TBCK: variants seen among roughly 807,000 people sequenced by gnomAD.
TBCK encodes TBC1 domain containing kinase, also known as TBC domain-containing protein kinase-like protein.
A neutral mutation model predicts 113.4 loss-of-function variants in TBCK; 99 were observed. That is an observed-to-expected ratio of 0.87 (90% CI 0.74 to 1.03). TBCK has a LOEUF of 1.03. TBCK is among the 50% of genes least tolerant of loss of function. The pLI, the probability that TBCK is intolerant of heterozygous loss-of-function variation, is 0.00. For synonymous variants in TBCK, 369 were observed against 370.8 expected, an observed-to-expected ratio of 1.00 and a Z score of 0.05; for missense variants, 1,045 against 1,061.3, an observed-to-expected ratio of 0.98 and a Z score of 0.21.
intron 24 of TBCK, among the ~76,000 whole-genome samples, chr4:106,096,609 C>A (rs1578880962): frequency 6.6e-6 from 1 of 152,164 alleles, no homozygotes; most frequent in Admixed American, 6.5e-5. Context: ...GAGCACCAAC[C>A]ACTGACCCTG....
intron 25 of TBCK, among the ~76,000 whole-genome samples, chr4:106,072,108 ATTG>A (rs1737537321): frequency 1.3e-5 from 2 of 152,106 alleles, no homozygotes; most frequent in African/African-American, 4.8e-5. Context: ...TAAGATTAAT[ATTG>A]TTATGTGTGA....
intron 25 of TBCK, among the ~76,000 whole-genome samples, chr4:106,048,088 G>T (rs1256741543): frequency 6.6e-6 from 1 of 152,126 alleles, no homozygotes; most frequent in African/African-American, 2.4e-5. Flanking sequence ...CACTCCCAGA[G>T]ATTCTGCTTT....
At chr4:106,299,810 AAAT>A (rs1766729022) in intron 2 of TBCK, among the ~76,000 whole-genome samples, 1 of 152,224 alleles carries the variant, frequency 6.6e-6, no homozygotes, top group South Asian at 2.1e-4. Context: ...TATTTATAAA[AAAT>A]AATGTGATGC....
At chr4:106,144,335 C>G (rs1747506974) in intron 23 of TBCK, among the ~76,000 whole-genome samples, 1 of 152,180 alleles carries the variant, frequency 6.6e-6, no homozygotes, top group African/African-American at 2.4e-5. Flanking sequence ...ATAAACAGCA[C>G]AGTTGTAGGG....
intron 3 of TBCK, among the ~76,000 whole-genome samples, chr4:106,278,017 T>C (rs2125771565): frequency 6.6e-6 from 1 of 152,330 alleles, no homozygotes; most frequent in East Asian, 1.9e-4. Context: ...TAGTTAAAGT[T>C]AGTTTTAATT....
intron 22 of TBCK, among the ~76,000 whole-genome samples, chr4:106,179,839 C>T (rs1037645201): frequency 6.6e-6 from 1 of 151,932 alleles, no homozygotes; most frequent in Non-Finnish European, 1.5e-5. Flanking sequence ...AAGTGGGGTG[C>T]TGAGTCCCCT....
intron 23 of TBCK, among the ~76,000 whole-genome samples, chr4:106,123,468 A>G (rs866926857): frequency 3.3e-5 from 5 of 152,332 alleles, no homozygotes; most frequent in South Asian, 2.1e-4. Flanking sequence ...TACAGATTCA[A>G]TGCCATCCCC....
chr4:106,262,833 C>A (rs1762629486), intron 3 of TBCK, among the ~76,000 whole-genome samples: 1 of 151,728 alleles, frequency 6.6e-6, no homozygotes, highest in Admixed American at 6.6e-5. Context: ...ATTTTTTTTC[C>A]AATTTGCAAG....
chr4:106,214,473 T>A (rs1216268284), intron 19 of TBCK, among the ~76,000 whole-genome samples: 2 of 150,030 alleles, frequency 1.3e-5, no homozygotes, highest in African/African-American at 4.9e-5. Flanking sequence ...TTGAAAAAAA[T>A]TTAGAAGAAT....
chr4:106,313,781 G>A (rs1768444581), intron 1 of TBCK, among the ~76,000 whole-genome samples: 1 of 152,210 alleles, frequency 6.6e-6, no homozygotes, highest in Non-Finnish European at 1.5e-5. Context: ...AGAAGATTCA[G>A]TGAAGAAAGC....
chr4:106,236,327 G>GA (rs1241525973), intron 14 of TBCK, 63 bp downstream of exon 14: 4 of 1,245,966 alleles, frequency 3.2e-6, no homozygotes, highest in Non-Finnish European at 4.1e-6. Flanking sequence ...AAGAATTATT[G>GA]AAAAAATTAA....
At chr4:106,126,981 G>A (rs550069885) in intron 23 of TBCK, among the ~76,000 whole-genome samples, 3 of 152,128 alleles carry the variant, frequency 2.0e-5, no homozygotes, top group African/African-American at 7.2e-5. Context: ...AGGCCGAGGC[G>A]GGCAGATCAC....
At chr4:106,155,694 A>G (rs548268180) in intron 23 of TBCK, among the ~76,000 whole-genome samples, 9 of 152,064 alleles carry the variant, frequency 5.9e-5, no homozygotes, top group Non-Finnish European at 1.3e-4. Flanking sequence ...CAGTATGCCA[A>G]TTGCACTTTT....
intron 1 of TBCK, among the ~76,000 whole-genome samples, chr4:106,313,262 G>A (rs1305176109): frequency 3.3e-5 from 5 of 152,106 alleles, no homozygotes; most frequent in Non-Finnish European, 7.4e-5. Flanking sequence ...AGAGAGCCTG[G>A]TGCAGTGGCT....
intron 23 of TBCK, among the ~76,000 whole-genome samples, chr4:106,143,895 C>T (rs992588300): frequency 7.1e-6 from 1 of 140,754 alleles, no homozygotes; most frequent in Non-Finnish European, 1.5e-5. Flanking sequence ...TCCCGGGCAA[C>T]AAGAGCGAAA....
In TBCK at chr4:106,042,831, C is replaced by T. The variant is rs1733941843; in HGVS notation, c.*3739G>A. On this transcript the variant is annotated 3_prime_UTR_variant, in exon 26 of 26. Transcript: ENST00000394708. ...AATCAGGAACTTACCCCAGACTTTCCACTGAACAACTCTGTCTGTAACAGA... is the reference window on the plus strand; with the variant it reads ...AATCAGGAACTTACCCCAGACTTTCTACTGAACAACTCTGTCTGTAACAGA... 6.7e-6 allele frequency: 1 copy of T among 148,794 alleles called. No individual in the cohort carries two copies. Among genetic ancestry groups the T allele is most frequent in the African/African-American group, 2.4e-5 (1 of 41,356 alleles). The allele number at this position is 148,794 out of a possible 1,614,324, so 9.2% of individuals were successfully genotyped here.
intron 23 of TBCK, among the ~76,000 whole-genome samples, chr4:106,121,066 G>GA (rs34879833): frequency 1.3e-5 from 2 of 151,964 alleles, no homozygotes; most frequent in African/African-American, 2.4e-5. Context: ...TGAAAACTTT[G>GA]AAAAAAAGTT....
rs779039648 is a variant in TBCK, at chr4:106,233,637, G to C, written c.1463C>G (p.Ala488Gly). ...ALLGVEGAIH[A>G]KYDAIDKDTP... The stretch of plus-strand genomic sequence containing the variant: ...GTCTTTATCAATTGCATCGTACTTG[G>C]CATGAATAGCTCCCTGCAAAAAATA... The change falls in exon 16 of 26, where the codon GCC (alanine) becomes GGC (glycine). Residue 488 changes from alanine to glycine, a missense_variant. Coordinates refer to ENST00000394708, the MANE Select transcript of TBCK (RefSeq NM_001163435.3). The C allele has an allele frequency of 2.1e-5, 34 of 1,608,864 alleles. No individual in the cohort carries two copies. The highest frequency in any genetic ancestry group is 3.4e-6 in the Non-Finnish European group (4 of 1,176,852).
chr4:106,212,880 T>A, intron 19 of TBCK, 45 bp from the exon 20 acceptor site: 1 of 1,153,688 alleles, frequency 8.7e-7, no homozygotes, highest in Non-Finnish European at 1.3e-6. Context: ...TACACAGTAC[T>A]CCAAGAACAT....
Sources: gnomAD v4.1 joint callset for allele counts (sites outside exome capture counted in the v4.1 genomes callset) on GRCh38, gnomAD v4.1.1 for gene constraint, MANE v1.5 for transcripts, NCBI Gene and HGNC (gene_info 2026-07-23, HGNC 2026-07-21) for gene names.